Variants in DEPTOR observed in about 807,000 individuals in gnomAD.
The protein encoded by DEPTOR is DEP domain-containing mTOR-interacting protein.
Under a neutral mutation model 41.6 loss-of-function variants are expected in DEPTOR, and 41 were observed. The ratio of observed to expected loss-of-function variants is 0.98; its 90% CI spans 0.77 to 1.28. The LOEUF (loss-of-function observed/expected upper bound fraction) is 1.28, where lower values mean the gene tolerates loss of function less well. Among genes scored for constraint, DEPTOR ranks in the 50% most tolerant of loss-of-function variants. DEPTOR has a pLI of 0.00. For synonymous variants in DEPTOR, 195 were observed against 192.3 expected (o/e 1.01, Z -0.12); for missense variants, 514 against 527.9 (o/e 0.97, Z 0.26).
intron 8 of DEPTOR, among the ~76,000 whole-genome samples, chr8:120,039,350 T>C (rs1813023967): frequency 6.6e-6 from 1 of 152,206 alleles, no homozygotes. Context: ...ATTTGATGTT[T>C]GTTGTAGCAG....
rs182941062 is a variant in DEPTOR, at chr8:120,017,644, C to G, written c.1101+8511C>G. On this transcript the variant is annotated intron_variant, in intron 8 of 8. Coordinates refer to ENST00000286234, the MANE Select transcript of DEPTOR (RefSeq NM_022783.4). Reference sequence around the variant, plus strand: ...GCAGGGTCATCCAAGTGAAAAATCCCAAATCCTCACTTTTGGTAGTTTAAT... The same window carrying G: ...GCAGGGTCATCCAAGTGAAAAATCCGAAATCCTCACTTTTGGTAGTTTAAT... Among the ~76,000 whole-genome samples the G allele has an allele frequency of 6.6e-4, 100 of 152,280 alleles. 2 individuals are homozygous for G. In the East Asian group the frequency reaches 0.016, roughly 24 times the overall value.
chr8:119,975,364 A>C (rs929823987), intron 4 of DEPTOR, among the ~76,000 whole-genome samples: 2 of 152,138 alleles, frequency 1.3e-5, no homozygotes, highest in African/African-American at 4.8e-5. Context: ...AATTATTGAC[A>C]CTTGTTAGAA....
chr8:120,017,923 C>G (rs1812637670), intron 8 of DEPTOR, among the ~76,000 whole-genome samples: 1 of 152,130 alleles, frequency 6.6e-6, no homozygotes, highest in Admixed American at 6.6e-5. Flanking sequence ...TTAACGGGGC[C>G]TTTTTTCTCT....
At chr8:119,968,626 T>G (rs1288146084) in intron 4 of DEPTOR, among the ~76,000 whole-genome samples, 1 of 152,172 alleles carries the variant, frequency 6.6e-6, no homozygotes, top group African/African-American at 2.4e-5. Context: ...TTAACAAATG[T>G]TTAGATGTAC....
In DEPTOR at chr8:120,009,630, A is replaced by AAAC. The variant is rs367837597; in HGVS notation, c.1101+515_1101+517dup. On this transcript the variant is annotated intron_variant, in intron 8 of 8. Transcript: ENST00000286234. ...TCTGTCTCTAAAACAAAACAAAACAAAACAACAACAACAACAACAAAACAA... is the reference window on the plus strand; with the variant it reads ...TCTGTCTCTAAAACAAAACAAAACAAAACAACAACAACAACAACAACAAAACAA... 9.9e-4 allele frequency among the ~76,000 whole-genome samples: 149 copies of AAAC among 150,376 alleles called. 2 individuals carry two copies. Among genetic ancestry groups the AAAC allele is most frequent in the African/African-American group, 3.1e-3 (128 of 40,700 alleles).
intron 1 of DEPTOR, among the ~76,000 whole-genome samples, chr8:119,892,813 C>T (rs902371860): frequency 4.0e-5 from 6 of 149,290 alleles, no homozygotes; most frequent in African/African-American, 7.4e-5. Context: ...GACGGAGTCT[C>T]GCCCTGTTGC....
chr8:119,933,742 G>A (rs1828075108), intron 3 of DEPTOR, among the ~76,000 whole-genome samples: 1 of 151,968 alleles, frequency 6.6e-6, no homozygotes, highest in Non-Finnish European at 1.5e-5. Context: ...CTGAGGGGGT[G>A]GGCGTATTGT....
At chr8:119,892,786 A>AC (rs1554671260) in intron 1 of DEPTOR, among the ~76,000 whole-genome samples, 2 of 147,156 alleles carry the variant, frequency 1.4e-5, no homozygotes, top group African/African-American at 5.0e-5. Context: ...CTTTATTATA[A>AC]TTTTTTTTTT....
intron 3 of DEPTOR, among the ~76,000 whole-genome samples, chr8:119,953,914 C>T (rs1430658547): frequency 6.6e-6 from 1 of 151,140 alleles, no homozygotes; most frequent in East Asian, 2.0e-4. Flanking sequence ...AAGCAATTCT[C>T]CTGCCTCAAC....
chr8:120,021,579 C>T (rs953392701), intron 8 of DEPTOR, among the ~76,000 whole-genome samples: 1 of 152,026 alleles, frequency 6.6e-6, no homozygotes. Flanking sequence ...AAACAAAACA[C>T]AAAGTAACAG....
rs904547547 is a variant in DEPTOR at position 120,014,039 on chromosome 8, A to T, written c.1101+4906A>T. Among the ~76,000 whole-genome samples, 3 of 152,064 alleles carry T rather than the reference A, an allele frequency of 2.0e-5. No individual in the cohort carries two copies. The East Asian group carries it at 5.8e-4, about 29-fold the overall frequency. ...TTTTTAGTAGAAACGGGGTTTCACC[A>T]TGTTGGCTAGGCTTGACCAAGCATC... On this transcript the variant is annotated intron_variant, in intron 8 of 8. Transcript: ENST00000286234.
At chr8:119,883,004 T>A (rs1005218601) in intron 1 of DEPTOR, among the ~76,000 whole-genome samples, 4 of 151,636 alleles carry the variant, frequency 2.6e-5, no homozygotes, top group Non-Finnish European at 5.9e-5. Context: ...GAAGATGGAG[T>A]TGGGGAGAGG....
At chr8:120,043,959 C>T (rs902914546) in intron 8 of DEPTOR, among the ~76,000 whole-genome samples, 1 of 151,498 alleles carries the variant, frequency 6.6e-6, no homozygotes, top group Admixed American at 6.6e-5. Flanking sequence ...TTGCAGTGAG[C>T]CAAAATCCTG....
chr8:120,024,379 A>T (rs1002002798), intron 8 of DEPTOR, among the ~76,000 whole-genome samples: 3 of 152,148 alleles, frequency 2.0e-5, no homozygotes, highest in African/African-American at 7.2e-5. Flanking sequence ...TTTATTCTGG[A>T]TGGCTGTTAG....
intron 8 of DEPTOR, among the ~76,000 whole-genome samples, chr8:120,022,348 A>G (rs1049570775): frequency 2.0e-5 from 3 of 152,104 alleles, no homozygotes; most frequent in Non-Finnish European, 4.4e-5. Context: ...GACACTAAAC[A>G]TTTTTATTCA....
intron 8 of DEPTOR, among the ~76,000 whole-genome samples, chr8:120,019,140 A>T (rs1161085857): frequency 6.6e-6 from 1 of 151,952 alleles, no homozygotes; most frequent in Non-Finnish European, 1.5e-5. Context: ...CCCCGTCTCT[A>T]CTGAGAATAC....
At chr8:119,994,315 C>A (rs868374659) in intron 4 of DEPTOR, among the ~76,000 whole-genome samples, 1 of 151,746 alleles carries the variant, frequency 6.6e-6, no homozygotes, top group South Asian at 2.1e-4. Flanking sequence ...AAAAGGTGTA[C>A]AAAAAAAATC....
intron 8 of DEPTOR, among the ~76,000 whole-genome samples, chr8:120,010,540 T>C (rs781333591): frequency 1.3e-5 from 2 of 151,032 alleles, no homozygotes; most frequent in East Asian, 3.9e-4. Flanking sequence ...TGCTTGAGCC[T>C]GGGAGGCAGA....
intron 8 of DEPTOR, among the ~76,000 whole-genome samples, chr8:120,042,997 TG>T (rs1466710372): frequency 6.6e-6 from 1 of 152,048 alleles, no homozygotes; most frequent in Non-Finnish European, 1.5e-5. Flanking sequence ...ATTACAGGTA[TG>T]TACCACCATG....
Sources: allele counts gnomAD v4.1 joint callset (sites outside exome capture counted in the v4.1 genomes callset), GRCh38; gene constraint gnomAD v4.1.1; transcripts MANE v1.5; gene names NCBI Gene and HGNC (gene_info 2026-07-23, HGNC 2026-07-21).